Variants in MIX23 observed in about 807,000 individuals in gnomAD.
The protein encoded by MIX23 is mitochondrial matrix import factor 23.
MIX23 carries 13 observed loss-of-function variants against 21.6 expected under a neutral mutation model. That is an observed-to-expected ratio of 0.60 (90% confidence interval 0.39 to 0.96). MIX23 has a LOEUF of 0.96. MIX23 is among the 40% of genes least tolerant of loss of function. The pLI is 0.00. For missense variants in MIX23, 144 were observed against 171.2 expected, an observed-to-expected ratio of 0.84 and a Z score of 0.89; for synonymous variants, 59 against 58.0, an observed-to-expected ratio of 1.02 and a Z score of -0.08.
In MIX23 at chr3:122,383,215, G is replaced by A. The variant is rs2075550594; in HGVS notation, c.10C>T (p.Pro4Ser). Residue 4 changes from proline (P) to serine (S), a missense_variant, in exon 1 of 5, where the codon CCC becomes TCC. Coordinates refer to ENST00000291458, the MANE Select transcript of MIX23 (RefSeq NM_001017928.4). ...TCCTCACAGTTCACACCGCCACTGG[G>A]CGCCGCCATATTGGACAAACACGAG... MAAPSGGVNCEEFA... is the reference protein window; with the variant it reads MAASSGGVNCEEFA... The A allele has an allele frequency of 3.1e-6, 5 of 1,612,868 alleles. No individual in the cohort carries two copies. Among genetic ancestry groups the A allele is most frequent in the Non-Finnish European group, 4.2e-6 (5 of 1,180,026 alleles).
intron 3 of MIX23, chr3:122,367,949 T>A: frequency 1.9e-6 from 1 of 523,618 alleles, no homozygotes; most frequent in Non-Finnish European, 3.4e-6. Flanking sequence ...TGTGCTTATT[T>A]TAGACAAAGC....
At chr3:122,370,671 T>C (rs986745165) in intron 2 of MIX23, among the ~76,000 whole-genome samples, 2 of 151,782 alleles carry the variant, frequency 1.3e-5, no homozygotes, top group African/African-American at 4.8e-5. Flanking sequence ...AGAGAGGGAG[T>C]ATCACCAAAG....
intron 3 of MIX23, among the ~76,000 whole-genome samples, chr3:122,364,813 C>G (rs1182862171): frequency 6.6e-6 from 1 of 152,102 alleles, no homozygotes; most frequent in Non-Finnish European, 1.5e-5. Context: ...AATATGCTAG[C>G]TCTTACTTAC....
intron 4 of MIX23, 149 bp from the exon 5 acceptor site, chr3:122,360,068 T>C: frequency 1.3e-6 from 1 of 766,620 alleles, no homozygotes; most frequent in Non-Finnish European, 2.1e-6. Flanking sequence ...TCCTCAGCAG[T>C]TCAAACTGAC....
chr3:122,369,087 T>C (rs1297200949), intron 2 of MIX23, among the ~76,000 whole-genome samples: 3 of 152,236 alleles, frequency 2.0e-5, no homozygotes, highest in Non-Finnish European at 4.4e-5. Context: ...TCCATAATCA[T>C]AGCCACATTT....
intron 1 of MIX23, among the ~76,000 whole-genome samples, chr3:122,375,265 A>G (rs1405275242): frequency 6.6e-6 from 1 of 152,216 alleles, no homozygotes; most frequent in African/African-American, 2.4e-5. Context: ...ATAAAATAGC[A>G]TGACTTCCAG....
intron 1 of MIX23, among the ~76,000 whole-genome samples, chr3:122,382,090 C>T (rs1259958906): frequency 6.6e-6 from 1 of 152,206 alleles, no homozygotes; most frequent in Non-Finnish European, 1.5e-5. Context: ...GGATTCTAGG[C>T]ACTCGATTTT....
In MIX23 at chr3:122,371,777, T is replaced by A. The variant is rs1008414047; in HGVS notation, c.75A>T (p.Thr25=). The A allele has an allele frequency of 6.2e-7, 1 of 1,604,738 alleles. No homozygotes were observed. Among genetic ancestry groups the A allele is most frequent in the Non-Finnish European group, 8.5e-7 (1 of 1,171,782 alleles). Residue 25 remains threonine (T), a synonymous_variant, in exon 2 of 5, where the codon ACA becomes ACT. Coordinates refer to ENST00000291458, the MANE Select transcript of MIX23 (RefSeq NM_001017928.4). ...ATTCATGTACTATTCTGTCATCAAT[T>A]GTCCTCATCACCTTGAGTAATTCCT... The part of the protein sequence containing the change: ...EFQELLKVMR[T]IDDRIVHELN...
intron 1 of MIX23, among the ~76,000 whole-genome samples, chr3:122,376,346 T>G (rs1171102440): frequency 6.6e-6 from 1 of 151,558 alleles, no homozygotes; most frequent in East Asian, 2.0e-4. Context: ...CATCCAGGCA[T>G]GGTGGCTCAC....
intron 4 of MIX23, 129 bp downstream of exon 4, chr3:122,362,839 G>T: frequency 1.8e-4 from 80 of 450,244 alleles, no homozygotes; most frequent in Non-Finnish European, 2.1e-4. Context: ...ATCCTCAATT[G>T]TAAATGTAAA....
intron 3 of MIX23, chr3:122,366,540 T>C (rs1381780953): frequency 9.9e-5 from 15 of 152,226 alleles, no homozygotes; most frequent in African/African-American, 3.4e-4. Context: ...TTTTCAAAGT[T>C]CAGCTACATC....
At chr3:122,372,550 G>C (rs1397691881) in intron 1 of MIX23, among the ~76,000 whole-genome samples, 1 of 152,094 alleles carries the variant, frequency 6.6e-6, no homozygotes, top group East Asian at 1.9e-4. Flanking sequence ...GGCTGGGCAC[G>C]GTGGCTCACA....
chr3:122,360,921 G>A (rs1357673328), intron 4 of MIX23, among the ~76,000 whole-genome samples: 4 of 152,218 alleles, frequency 2.6e-5, no homozygotes, highest in African/African-American at 9.6e-5. Flanking sequence ...TCGGCTCACT[G>A]AAACCTCCAC....
At chr3:122,363,147 C>T in intron 3 of MIX23, 120 bp from the exon 4 acceptor site, 2 of 746,236 alleles carry the variant, frequency 2.7e-6, no homozygotes, top group South Asian at 3.6e-5. Flanking sequence ...TGCTACTGCT[C>T]TAGTATTTTT....
At chr3:122,371,594 C>A in intron 2 of MIX23, 81 bp downstream of exon 2, 1 of 1,470,116 alleles carries the variant, frequency 6.8e-7, no homozygotes, top group East Asian at 2.3e-5. Context: ...TAGTCACAGT[C>A]GAGTTACAAG....
intron 1 of MIX23, among the ~76,000 whole-genome samples, chr3:122,380,039 T>C (rs1341531639): frequency 1.3e-5 from 2 of 152,228 alleles, no homozygotes; most frequent in East Asian, 3.8e-4. Flanking sequence ...AAACTTTCTG[T>C]TGCCCCTACA....
chr3:122,359,629 T>A lies in MIX23; in HGVS notation c.*240A>T, dbSNP rs977602733. 4.9e-4 allele frequency: 87 copies of A among 176,368 alleles called. No homozygotes were observed. The highest frequency in any genetic ancestry group is 6.9e-4 in the Non-Finnish European group (61 of 88,184). The allele number at this position is 176,368 out of a possible 1,614,324, so 10.9% of individuals were successfully genotyped here. Reference sequence around the variant, plus strand: ...AAAATTATTTTAATAGTTACAAAAATTTTTTTTTTTTTTTTTTACAGAATC... The same window carrying A: ...AAAATTATTTTAATAGTTACAAAAAATTTTTTTTTTTTTTTTTACAGAATC... On this transcript the variant is annotated 3_prime_UTR_variant, in exon 5 of 5. Coordinates refer to ENST00000291458, the MANE Select transcript of MIX23 (RefSeq NM_001017928.4).
At chr3:122,362,421 T>C (rs139350695) in intron 4 of MIX23, among the ~76,000 whole-genome samples, 2 of 152,282 alleles carry the variant, frequency 1.3e-5, no homozygotes, top group East Asian at 3.9e-4. Flanking sequence ...TCTAATGCTG[T>C]TATGATGGCA....
intron 1 of MIX23, 142 bp downstream of exon 1, chr3:122,383,032 C>A: frequency 1.8e-6 from 2 of 1,109,282 alleles, no homozygotes; most frequent in East Asian, 2.4e-5. Flanking sequence ...ACCCGCGCCC[C>A]CCATGACCTC....
Sources: allele counts gnomAD v4.1 joint callset (sites outside exome capture counted in the v4.1 genomes callset), GRCh38; gene constraint gnomAD v4.1.1; transcripts MANE v1.5; gene names NCBI Gene and HGNC (gene_info 2026-07-23, HGNC 2026-07-21).